Variants in DOCK5 observed in about 807,000 individuals in gnomAD.
The protein encoded by DOCK5 is dedicator of cytokinesis 5, also known as dedicator of cytokinesis protein 5.
A neutral mutation model predicts 251.8 loss-of-function variants in DOCK5; 142 were observed. The ratio of observed to expected loss-of-function variants is 0.56; its 90% CI spans 0.49 to 0.65. The LOEUF is 0.65. Ranked by LOEUF, DOCK5 falls within the 30% of genes least tolerant of loss-of-function variation. DOCK5 has a pLI of 0.00. For synonymous variants in DOCK5, 842 were observed against 835.5 expected, an observed-to-expected ratio of 1.01 and a Z score of -0.13; for missense variants, 2,111 against 2,312.3, an observed-to-expected ratio of 0.91 and a Z score of 1.79.
chr8:25,320,952 A>G (rs1309867382), intron 15 of DOCK5, 28 bp from the exon 16 acceptor site: 3 of 1,595,848 alleles, frequency 1.9e-6, no homozygotes, highest in Admixed American at 3.4e-5. Flanking sequence ...GTGTGTCTGT[A>G]AACTATTAAT....
intron 4 of DOCK5, among the ~76,000 whole-genome samples, chr8:25,276,006 A>C (rs1804036186): frequency 6.6e-6 from 1 of 152,140 alleles, no homozygotes; most frequent in South Asian, 2.1e-4. Flanking sequence ...GAAGTAGCAA[A>C]AACTGAGGGC....
At position 25,317,068 on chromosome 8, in the gene DOCK5, G is replaced by T; in HGVS notation, c.1380G>T (p.Lys460Asn). ...ACGGTGAGTTTGACAAAGGGAAGAA[G>T]AAGACGCCAAAGAATGTGGAGGTGA... ...LIHGEFDKGK[K>N]KTPKNVEVTM... The change falls in exon 14 of 52, where the codon AAG becomes AAT. Residue 460 changes from lysine to asparagine, a missense_variant. Lys to Asn is a moderately conservative substitution (Grantham distance 94). Coordinates refer to ENST00000276440, the MANE Select transcript of DOCK5 (RefSeq NM_024940.8). 6.2e-7 allele frequency: 1 copy of T among 1,613,978 alleles called. No homozygotes were observed. The highest frequency in any genetic ancestry group is 8.5e-7 in the Non-Finnish European group (1 of 1,179,880).
At chr8:25,316,936 T>C (rs765300022) in intron 13 of DOCK5, 71 bp from the exon 14 acceptor site, 92 of 1,579,760 alleles carry the variant, frequency 5.8e-5, no homozygotes, top group Middle Eastern at 5.0e-4. Flanking sequence ...TTACCTTTTA[T>C]GTCGTATGAC....
chr8:25,193,585 AC>A (rs147369912), intron 1 of DOCK5, among the ~76,000 whole-genome samples: 10,697 of 151,372 alleles, frequency 0.071, 513 homozygotes, highest in African/African-American at 0.13. Context: ...ACGTTGTGCA[AC>A]CCCGTCTCTA....
chr8:25,372,492 T>C, intron 34 of DOCK5, 67 bp from the exon 35 acceptor site: 1 of 1,488,370 alleles, frequency 6.7e-7, no homozygotes, highest in Non-Finnish European at 8.9e-7. Context: ...CCCTGGTCAG[T>C]GCTGGTCAGT....
At chr8:25,380,526 A>G (rs1232196407) in intron 39 of DOCK5, 132 bp downstream of exon 39, 9 of 744,950 alleles carry the variant, frequency 1.2e-5, no homozygotes, top group Admixed American at 1.1e-4. Context: ...TTTGCTTGAA[A>G]TGAGAATGAA....
intron 2 of DOCK5, among the ~76,000 whole-genome samples, chr8:25,251,176 C>T (rs1054918668): frequency 1.3e-5 from 2 of 152,146 alleles, no homozygotes; most frequent in African/African-American, 4.8e-5. Flanking sequence ...CTCACAAGCT[C>T]ACGAGAAAGG....
intron 2 of DOCK5, among the ~76,000 whole-genome samples, chr8:25,250,549 G>T (rs1374579966): frequency 2.6e-5 from 4 of 152,176 alleles, no homozygotes; most frequent in African/African-American, 9.7e-5. Context: ...GACTTCTGGA[G>T]ATGCCCGGCC....
chr8:25,398,364 T>C (rs1181141462), intron 45 of DOCK5, among the ~76,000 whole-genome samples: 1 of 152,270 alleles, frequency 6.6e-6, no homozygotes, highest in Admixed American at 6.5e-5. Flanking sequence ...TGAGCTGTTT[T>C]GCTAATGTAT....
chr8:25,326,931 G>C (rs902522234), intron 18 of DOCK5, among the ~76,000 whole-genome samples: 2 of 152,170 alleles, frequency 1.3e-5, no homozygotes, highest in Admixed American at 1.3e-4. Flanking sequence ...GAAGGACACG[G>C]TGAACTTTTT....
chr8:25,225,638 G>A (rs774108729), intron 1 of DOCK5, among the ~76,000 whole-genome samples: 19 of 151,696 alleles, frequency 1.3e-4, no homozygotes, highest in Non-Finnish European at 2.1e-4. Context: ...CCCGGGATGC[G>A]GAGCTTGCAG....
At position 25,270,036 on chromosome 8, in the gene DOCK5, C is replaced by T. The variant is rs35907211; in HGVS notation, c.168+1151C>T. ...CTGCATTGTTGATGCTTAAGTCACACTCAGTATTTGCACATGTATGTGTAC... is the reference window on the plus strand; with the variant it reads ...CTGCATTGTTGATGCTTAAGTCACATTCAGTATTTGCACATGTATGTGTAC... On this transcript the variant is annotated intron_variant, in intron 3 of 51. Transcript: ENST00000276440. Among the ~76,000 whole-genome samples, 1,509 of 152,266 alleles carry T rather than the reference C, an allele frequency of 9.9e-3. 27 individuals are homozygous for T. Among genetic ancestry groups the T allele is most frequent in the African/African-American group, 0.034 (1,415 of 41,560 alleles).
intron 21 of DOCK5, among the ~76,000 whole-genome samples, chr8:25,335,511 T>A (rs1482332591): frequency 2.0e-5 from 3 of 150,808 alleles, no homozygotes; most frequent in Admixed American, 6.6e-5. Flanking sequence ...TAATAATAAT[T>A]ATAAGTGACT....
chr8:25,185,771 GT>G (rs1484001510), intron 1 of DOCK5, among the ~76,000 whole-genome samples: 1 of 152,194 alleles, frequency 6.6e-6, no homozygotes, highest in Non-Finnish European at 1.5e-5. Context: ...GTTGCTGGTG[GT>G]GGTGCTTTGG....
At chr8:25,327,596 G>A (rs1805590595) in intron 18 of DOCK5, among the ~76,000 whole-genome samples, 1 of 152,192 alleles carries the variant, frequency 6.6e-6, no homozygotes, top group Non-Finnish European at 1.5e-5. Flanking sequence ...ACAACCCGCA[G>A]TTCTCAATGT....
At chr8:25,283,587 A>T (rs1250675025) in intron 5 of DOCK5, among the ~76,000 whole-genome samples, 1 of 151,710 alleles carries the variant, frequency 6.6e-6, no homozygotes, top group Non-Finnish European at 1.5e-5. Context: ...AGCAGTAGCC[A>T]TCTGGACACC....
intron 1 of DOCK5, among the ~76,000 whole-genome samples, chr8:25,228,736 C>CT (rs1339246403): frequency 1.3e-5 from 2 of 151,984 alleles, no homozygotes; most frequent in African/African-American, 2.4e-5. Flanking sequence ...TATTTTTAAC[C>CT]TTTTTTCACA....
At chr8:25,336,402 G>C (rs374022923) in intron 22 of DOCK5, 29 bp downstream of exon 22, 1 of 1,606,578 alleles carries the variant, frequency 6.2e-7, no homozygotes, top group Non-Finnish European at 8.5e-7. Context: ...AAGATGTTTA[G>C]ATTATCAGCT....
At chr8:25,358,142 CTGGGTAGTTTATAAAT>C (rs1057316588) in intron 27 of DOCK5, among the ~76,000 whole-genome samples, 1 of 152,128 alleles carries the variant, frequency 6.6e-6, no homozygotes, top group Non-Finnish European at 1.5e-5. Context: ...ATACCTGAGA[CTGGGTAGTTTATAAAT>C]TGGGTAGTTT....
Sources: gnomAD v4.1 joint callset for allele counts (sites outside exome capture counted in the v4.1 genomes callset) on GRCh38, gnomAD v4.1.1 for gene constraint, MANE v1.5 for transcripts, NCBI Gene and HGNC (gene_info 2026-07-23, HGNC 2026-07-21) for gene names.